MSRB2: variants seen among roughly 807,000 people sequenced by gnomAD.
MSRB2 encodes the protein methionine sulfoxide reductase B2, also known as methionine-R-sulfoxide reductase B2, mitochondrial.
A neutral mutation model predicts 19.0 loss-of-function variants in MSRB2; 17 were observed. The observed-to-expected ratio is 0.89, with a 90% CI of 0.61 to 1.34. MSRB2 has a LOEUF of 1.34. Among genes scored for constraint, MSRB2 ranks in the 40% most tolerant of loss-of-function variants. MSRB2 has a pLI of 0.00. For missense variants in MSRB2, 208 were observed against 237.6 expected (o/e 0.88, Z 0.82); for synonymous variants, 107 against 99.7 (o/e 1.07, Z -0.44).
chr10:23,104,060 G>A lies in MSRB2; in HGVS notation c.119-84G>A, dbSNP rs966335577. 4.7e-6 allele frequency: 5 copies of A among 1,069,894 alleles called. No homozygotes were observed. The African/African-American group carries it at 4.7e-5, about 10-fold the overall frequency. 66.3% of individuals were successfully genotyped at this position (1,069,894 alleles called of 1,614,324 possible). ...GACTGGATTATTCTGCTGGGTGACA[G>A]TACACTTAGGGAAAAAGGTCAAGGA... On this transcript the variant is annotated intron_variant, in intron 1 of 4. Transcript: ENST00000376510.
rs201313808 is a variant in MSRB2, at chr10:23,110,265, T to C, written c.243T>C (p.Asn81=). 6 of 1,613,790 alleles carry C rather than the reference T, an allele frequency of 3.7e-6. No individual in the cohort carries two copies. In the African/African-American group the frequency reaches 8.0e-5, roughly 22 times the overall value. ...TEPPFSGIYL[N]NKEAGMYHCV... The stretch of plus-strand genomic sequence containing the variant: ...AGCCTTTCAGTGGGATCTACCTGAA[T>C]AACAAGGAAGCAGGAATGTATCATT... Residue 81 remains asparagine (N), a synonymous_variant, in exon 3 of 5, where the codon AAT becomes AAC. Transcript: ENST00000376510.
At chr10:23,119,894 C>T (rs1016807887) in intron 4 of MSRB2, among the ~76,000 whole-genome samples, 1 of 151,858 alleles carries the variant, frequency 6.6e-6, no homozygotes, top group African/African-American at 2.4e-5. Context: ...CACACCCAGC[C>T]CAGAACACAT....
intron 2 of MSRB2, among the ~76,000 whole-genome samples, chr10:23,108,442 T>G (rs888850828): frequency 2.6e-5 from 4 of 151,810 alleles, no homozygotes; most frequent in Non-Finnish European, 4.4e-5. Context: ...TGCATTCATC[T>G]TCAGCCCAGG....
At chr10:23,100,277 G>T (rs1187107649) in intron 1 of MSRB2, among the ~76,000 whole-genome samples, 1 of 152,144 alleles carries the variant, frequency 6.6e-6, no homozygotes, top group African/African-American at 2.4e-5. Flanking sequence ...GAGGAACCCA[G>T]GACATACACT....
At chr10:23,114,994 TA>T (rs1840095640) in intron 3 of MSRB2, among the ~76,000 whole-genome samples, 1 of 152,202 alleles carries the variant, frequency 6.6e-6, no homozygotes, top group South Asian at 2.1e-4. Flanking sequence ...CCAGCCAGTG[TA>T]ACTCATGAGT....
chr10:23,101,746 C>G (rs1290395203), intron 1 of MSRB2, among the ~76,000 whole-genome samples: 2 of 152,148 alleles, frequency 1.3e-5, no homozygotes, highest in African/African-American at 4.8e-5. Context: ...AAGGACAACC[C>G]TCTCCCCAGG....
chr10:23,119,387 CAG>C lies in MSRB2; in HGVS notation c.381_382del (p.Gly128AspfsTer22), dbSNP rs769625151. 30 of 1,614,158 alleles carry C rather than the reference CAG, an allele frequency of 1.9e-5. No homozygotes were observed. The South Asian group carries it at 3.1e-4, about 17-fold the overall frequency. ...ACGTCTGGCTCTGATGAAAGCCACA[CAG>C]GGATCCTGAGACGTCTGGATACCTC... On this transcript the variant is annotated frameshift_variant, in exon 4 of 5. Coordinates refer to ENST00000376510, the MANE Select transcript of MSRB2 (RefSeq NM_012228.4). LOFTEE classifies it high-confidence loss of function.
At chr10:23,103,956 TTAAA>T (rs1588968033) in intron 1 of MSRB2, among the ~76,000 whole-genome samples, 184 bp from the exon 2 acceptor site, 1 of 152,320 alleles carries the variant, frequency 6.6e-6, no homozygotes, top group East Asian at 1.9e-4. Flanking sequence ...TCTTATTAAA[TTAAA>T]TAGTCAATGA....
intron 1 of MSRB2, among the ~76,000 whole-genome samples, chr10:23,096,352 C>CTCTCTCTGTGTGTGTGTG (rs144653384): frequency 2.7e-4 from 39 of 142,748 alleles, no homozygotes; most frequent in South Asian, 4.4e-4. Context: ...CTCTCTCTCT[C>CTCTCTCTGTGTGTGTGTG]TGTGTGTGTG....
chr10:23,119,720 G>A (rs61849914), intron 4 of MSRB2, among the ~76,000 whole-genome samples: 211 of 152,178 alleles, frequency 1.4e-3, no homozygotes, highest in Admixed American at 4.8e-3. Context: ...TCAGCCTCCC[G>A]AGTAGTTGGG....
intron 3 of MSRB2, among the ~76,000 whole-genome samples, chr10:23,115,396 G>A (rs1446221106): frequency 3.9e-5 from 6 of 152,140 alleles, no homozygotes; most frequent in East Asian, 1.9e-4. Flanking sequence ...CACCTTTTAC[G>A]TAATATCCTG....
chr10:23,104,123 A>T, intron 1 of MSRB2, 21 bp from the exon 2 acceptor site: 1 of 1,591,626 alleles, frequency 6.3e-7, no homozygotes, highest in Non-Finnish European at 8.5e-7. Flanking sequence ...TAATTTTTAA[A>T]ATTCCTGTTT....
chr10:23,120,682 G>A (rs967466567), intron 4 of MSRB2, 76 bp from the exon 5 acceptor site: 3 of 1,101,448 alleles, frequency 2.7e-6, no homozygotes, highest in African/African-American at 1.6e-5. Context: ...GTGATTTTGG[G>A]GGGGTTCGTC....
intron 3 of MSRB2, among the ~76,000 whole-genome samples, chr10:23,112,150 CT>C (rs1564430241): frequency 6.6e-6 from 1 of 152,208 alleles, no homozygotes; most frequent in Non-Finnish European, 1.5e-5. Flanking sequence ...AATTCACTAA[CT>C]TTATTTGTTT....
At chr10:23,118,342 T>A (rs1464559437) in intron 3 of MSRB2, among the ~76,000 whole-genome samples, 1 of 148,748 alleles carries the variant, frequency 6.7e-6, no homozygotes, top group Non-Finnish European at 1.5e-5. Context: ...TTTTTGTTTT[T>A]TTTTTTTTTT....
chr10:23,104,236 A>G lies in MSRB2; in HGVS notation c.211A>G (p.Thr71Ala). 6.2e-7 allele frequency: 1 copy of G among 1,613,020 alleles called. No homozygotes were observed. The highest frequency in any genetic ancestry group is 2.2e-5 in the East Asian group (1 of 44,810). Residue 71 changes from threonine (T) to alanine (A), a missense_variant, in exon 2 of 5, where the codon ACG becomes GCG. By Grantham distance (58) the Thr-to-Ala change is moderately conservative. Coordinates refer to ENST00000376510, the MANE Select transcript of MSRB2 (RefSeq NM_012228.4). The stretch of plus-strand genomic sequence containing the variant: ...GTTCTACGTCACAAGAGAAAAGGGA[A>G]CGGAACCGGTAAGCTAAGCTGGTTT... ...EQFYVTREKG[T>A]EPPFSGIYLN... is the part of the protein sequence containing the mutation.
At chr10:23,113,323 T>C (rs907002480) in intron 3 of MSRB2, among the ~76,000 whole-genome samples, 3 of 152,186 alleles carry the variant, frequency 2.0e-5, no homozygotes, top group Admixed American at 6.5e-5. Context: ...CTAATACTAA[T>C]TGAAATTCCA....
chr10:23,118,982 C>T (rs1840148831), intron 3 of MSRB2: 2 of 481,194 alleles, frequency 4.2e-6, no homozygotes, highest in Non-Finnish European at 8.2e-6. Flanking sequence ...ACATTTTCAA[C>T]ACATGGGTTT....
intron 3 of MSRB2, among the ~76,000 whole-genome samples, chr10:23,111,570 G>C (rs572653409): frequency 3.3e-5 from 5 of 152,144 alleles, no homozygotes; most frequent in Admixed American, 6.5e-5. Flanking sequence ...TCTGAAAAAG[G>C]GGGGGACTTC....
Sources: gnomAD v4.1 joint callset for allele counts (sites outside exome capture counted in the v4.1 genomes callset) on GRCh38, gnomAD v4.1.1 for gene constraint, MANE v1.5 for transcripts, NCBI Gene and HGNC (gene_info 2026-07-23, HGNC 2026-07-21) for gene names.